FAAP20: variants seen among roughly 807,000 people sequenced by gnomAD.
FAAP20 encodes the protein FA core complex associated protein 20, also known as Fanconi anemia core complex-associated protein 20.
In FAAP20, 12 loss-of-function variants were observed where a neutral mutation model predicts 16.2. That is an observed-to-expected ratio of 0.74 (90% CI 0.48 to 1.20). The LOEUF is 1.20. FAAP20 is among the 50% of genes most tolerant of loss of function. The pLI is 0.00. For synonymous variants in FAAP20, 141 were observed against 110.7 expected (o/e 1.27, Z -1.72); for missense variants, 288 against 245.8 (o/e 1.17, Z -1.15).
At chr1:2,199,706 C>T, upstream of FAAP20, 1 of 887,496 alleles carries the variant, frequency 1.1e-6, no homozygotes, top group Non-Finnish European at 1.3e-6. This position sits in a 1 kb window ranked among gnomAD's most constrained non-coding sequence, Gnocchi z 4.5. Flanking sequence ...AAGGTCTGTG[C>T]CGATATAATC....
chr1:2,194,436 G>T, intron 1 of FAAP20, among the ~76,000 whole-genome samples: 1 of 142,964 alleles, frequency 7.0e-6, no homozygotes, highest in Non-Finnish European at 1.5e-5. Flanking sequence ...TAGATGGGGG[G>T]TGCTCAGGGG....
At chr1:2,194,457 ATGGGAGAGG>A (rs1688651875) in intron 1 of FAAP20, among the ~76,000 whole-genome samples, 1 of 98,044 alleles carries the variant, frequency 1.0e-5, no homozygotes, top group Non-Finnish European at 2.0e-5. Context: ...AGACGCGATG[ATGGGAGAGG>A]CGCGGGAGGG....
intron 3 of FAAP20, chr1:2,193,065 G>A (rs2100677759): frequency 1.6e-6 from 2 of 1,240,216 alleles, no homozygotes; most frequent in South Asian, 1.3e-5. Context: ...CAAAAGTTAC[G>A]AACCAGCATC....
upstream of FAAP20, chr1:2,199,034 A>C (rs746182059): frequency 8.1e-7 from 1 of 1,240,970 alleles, no homozygotes; most frequent in East Asian, 5.7e-5. This position sits in a 1 kb window ranked among gnomAD's most constrained non-coding sequence, Gnocchi z 4.5. Context: ...GGGCACCGAC[A>C]GCCTCCTCAC....
chr1:2,208,436 G>A (rs574729787), downstream of FAAP20, among the ~76,000 whole-genome samples: 4 of 152,228 alleles, frequency 2.6e-5, no homozygotes, highest in East Asian at 3.9e-4. Flanking sequence ...AGTTGTCCAC[G>A]GGCCCTTCCA....
intron 3 of FAAP20, 21 bp downstream of exon 3, chr1:2,193,618 G>C (rs1315502465): frequency 1.3e-6 from 2 of 1,586,660 alleles, no homozygotes; most frequent in Non-Finnish European, 1.7e-6. Context: ...ACCGGGCCGG[G>C]CGCAGGGGTG....
upstream of FAAP20, among the ~76,000 whole-genome samples, chr1:2,197,209 G>A (rs12036736): frequency 0.073 from 11,178 of 152,296 alleles, 504 homozygotes; most frequent in Middle Eastern, 0.11. Flanking sequence ...CCAGAACAGG[G>A]GCCTTTCTGG....
upstream of FAAP20, chr1:2,200,605 A>T: frequency 1.0e-6 from 1 of 980,364 alleles, no homozygotes; most frequent in Non-Finnish European, 1.2e-6. Flanking sequence ...GAGAATATAC[A>T]TGTCACTCGT....
At chr1:2,211,865 G>A (rs978804296), downstream of FAAP20, among the ~76,000 whole-genome samples, 85 of 150,228 alleles carry the variant, frequency 5.7e-4, no homozygotes, top group African/African-American at 2.0e-3. Flanking sequence ...GATTACAGGC[G>A]TGAGCCACCG....
At chr1:2,198,233 G>T (rs564386558), upstream of FAAP20, 2 of 1,190,102 alleles carry the variant, frequency 1.7e-6, no homozygotes, top group Non-Finnish European at 2.2e-6. Context: ...ACAAAAGAAC[G>T]TTTCAGCTGT....
downstream of FAAP20, among the ~76,000 whole-genome samples, chr1:2,211,045 A>G (rs1300368231): frequency 6.6e-6 from 1 of 152,066 alleles, no homozygotes; most frequent in Non-Finnish European, 1.5e-5. Context: ...ACCTGGGGCC[A>G]GGGTGTTCTG....
chr1:2,189,026 A>AC (rs1553182633), downstream of FAAP20, among the ~76,000 whole-genome samples: 143 of 144,946 alleles, frequency 9.9e-4, no homozygotes, highest in Non-Finnish European at 1.7e-3. Context: ...AAAAAAAAAA[A>AC]AACAAAAAGA....
chr1:2,203,884 C>T (rs1174247154), upstream of FAAP20: 1 of 154,728 alleles, frequency 6.5e-6, no homozygotes, highest in Non-Finnish European at 1.4e-5. Flanking sequence ...AGTGAGCGGC[C>T]AAGCTGGATG....
chr1:2,190,504 T>C (rs764731951), intron 3 of FAAP20: 3 of 439,454 alleles, frequency 6.8e-6, no homozygotes, highest in South Asian at 3.2e-5. Context: ...TGTGGCCCCA[T>C]CAGCCCAACT....
At chr1:2,187,523 T>TG (rs1687735138), downstream of FAAP20, among the ~76,000 whole-genome samples, 1 of 152,070 alleles carries the variant, frequency 6.6e-6, no homozygotes, top group Non-Finnish European at 1.5e-5. Context: ...AGGCTGGTCT[T>TG]GAACTCCTGA....
rs746666704 is a variant in FAAP20 at position 2,189,816 on chromosome 1, C to A, written c.471-35G>T. The A allele has an allele frequency of 2.0e-6, 3 of 1,528,574 alleles. No homozygotes were observed. The South Asian group carries it at 3.4e-5, about 17-fold the overall frequency. The allele number at this position is 1,528,574 out of a possible 1,614,324, so 94.7% of individuals were successfully genotyped here. ...AGGGGCCACACTCACTCGGCCACCT[C>A]CGCGGCATGCTGGCCGCAGAGAGCA... is the stretch of plus-strand genomic sequence containing the variant. On this transcript the variant is annotated intron_variant, in intron 3 of 3. Transcript: ENST00000378546.
chr1:2,202,915 C>T (rs923224783), upstream of FAAP20, among the ~76,000 whole-genome samples: 39 of 152,326 alleles, frequency 2.6e-4, no homozygotes, highest in Non-Finnish European at 5.1e-4. Context: ...GAGCAATTTC[C>T]GACTTTGTGG....
downstream of FAAP20, chr1:2,187,023 G>C (rs1687675393): frequency 2.9e-6 from 1 of 341,174 alleles, no homozygotes. Flanking sequence ...AATGGCTCCG[G>C]TCACGACGGT....
Position 2,193,921 on chromosome 1 carries a change from G to A in FAAP20, c.199-11C>T. 1 of 1,612,206 alleles carries A rather than the reference G, an allele frequency of 6.2e-7. No homozygotes were observed. Among genetic ancestry groups the A allele is most frequent in the Non-Finnish European group, 8.5e-7 (1 of 1,179,742 alleles). The stretch of plus-strand genomic sequence containing the variant: ...GCCGCACCTGGGCTCCTGCAACACA[G>A]AGTTGTTGGGCCTTGCCCAGCGATG... On this transcript the variant is annotated splice_polypyrimidine_tract_variant and intron_variant, in intron 2 of 3. Coordinates refer to ENST00000378546, the MANE Select transcript of FAAP20 (RefSeq NM_182533.4).
Sources: allele counts gnomAD v4.1 joint callset (sites outside exome capture counted in the v4.1 genomes callset), GRCh38; gene constraint gnomAD v4.1.1; non-coding constraint Gnocchi (gnomAD v3.1); transcripts MANE v1.5; gene names NCBI Gene and HGNC (gene_info 2026-07-23, HGNC 2026-07-21).